Variants in SLC9A9 observed in about 807,000 individuals in gnomAD.
The protein encoded by SLC9A9 is solute carrier family 9 member A9.
In SLC9A9, 62 loss-of-function variants were observed where a neutral mutation model predicts 77.8. The observed-to-expected ratio is 0.80, with a 90% CI of 0.65 to 0.98. The LOEUF (loss-of-function observed/expected upper bound fraction) is 0.98. Among genes scored for constraint, SLC9A9 ranks in the 50% least tolerant of loss-of-function variants. The pLI, the probability that SLC9A9 is intolerant of heterozygous loss-of-function variation, is 0.00. For missense variants in SLC9A9, 775 were observed against 774.9 expected (o/e 1.00, Z 0.00); for synonymous variants, 320 against 283.5 (o/e 1.13, Z -1.29).
chr3:143,796,816 A>C lies in SLC9A9; in HGVS notation c.456+10T>G, dbSNP rs1287282882. The C allele has an allele frequency of 6.3e-7, 1 of 1,577,918 alleles. No individual in the cohort carries two copies. The highest frequency in any genetic ancestry group is 8.7e-7 in the Non-Finnish European group (1 of 1,149,820). On this transcript the variant is annotated intron_variant, in intron 3 of 15. Coordinates refer to ENST00000316549, the MANE Select transcript of SLC9A9 (RefSeq NM_173653.4). ...ATGATAAAAGAAGAAAATGATCACT[A>C]TATATTTACCTTCTTTAGACTATAT...
intron 6 of SLC9A9, among the ~76,000 whole-genome samples, chr3:143,628,534 G>C (rs1205354206): frequency 6.6e-6 from 1 of 152,148 alleles, no homozygotes; most frequent in Non-Finnish European, 1.5e-5. Context: ...CTAGTATTTA[G>C]AGTTGACAAT....
chr3:143,757,593 C>T (rs994932048), intron 4 of SLC9A9, among the ~76,000 whole-genome samples: 1 of 152,092 alleles, frequency 6.6e-6, no homozygotes, highest in Non-Finnish European at 1.5e-5. Context: ...CTCCCAGGTA[C>T]CAAAAACTAT....
Position 143,831,232 on chromosome 3 carries a change from G to A in SLC9A9, c.378+787C>T, listed in dbSNP as rs139562916. Among the ~76,000 whole-genome samples the A allele has an allele frequency of 2.0e-5, 3 of 152,060 alleles. No homozygotes were observed. The South Asian group carries it at 6.2e-4, about 31-fold the overall frequency. ...TGACCTGAAAAAAAATCTCAAATAA[G>A]TGATGTGAGATCCTGGTTCTTAGTA... On this transcript the variant is annotated intron_variant, in intron 2 of 15. Coordinates refer to ENST00000316549, the MANE Select transcript of SLC9A9 (RefSeq NM_173653.4).
intron 4 of SLC9A9, among the ~76,000 whole-genome samples, chr3:143,770,954 A>G (rs2007496325): frequency 6.6e-6 from 1 of 152,180 alleles, no homozygotes; most frequent in East Asian, 1.9e-4. Context: ...GCAGCAAACC[A>G]CCATGGCACA....
At chr3:143,441,841 TCCATCCATC>T (rs1559917300) in intron 12 of SLC9A9, among the ~76,000 whole-genome samples, 27 of 151,260 alleles carry the variant, frequency 1.8e-4, no homozygotes, top group East Asian at 3.9e-4. Context: ...CATTCATCCA[TCCATCCATC>T]CATCCATCCA....
At chr3:143,712,972 C>A (rs80236021) in intron 4 of SLC9A9, among the ~76,000 whole-genome samples, 1 of 152,020 alleles carries the variant, frequency 6.6e-6, no homozygotes, top group Non-Finnish European at 1.5e-5. Context: ...CTCCCAACAC[C>A]ATCCACCACC....
intron 4 of SLC9A9, among the ~76,000 whole-genome samples, chr3:143,778,053 G>T (rs77293792): frequency 1.4e-4 from 5 of 35,906 alleles, no homozygotes; most frequent in South Asian, 1.3e-3. Flanking sequence ...AAAAAAAAAA[G>T]ATGCTGAATC....
intron 14 of SLC9A9, among the ~76,000 whole-genome samples, chr3:143,304,082 T>A (rs1303236702): frequency 2.0e-5 from 3 of 152,046 alleles, no homozygotes; most frequent in Admixed American, 1.3e-4. Flanking sequence ...GCAACTAGAG[T>A]CACTTCTTAG....
intron 9 of SLC9A9, among the ~76,000 whole-genome samples, chr3:143,505,675 T>G (rs1259402458): frequency 6.6e-6 from 1 of 152,238 alleles, no homozygotes; most frequent in Non-Finnish European, 1.5e-5. Context: ...AATCTTGCTT[T>G]TTAAAAACAT....
chr3:143,364,608 T>C (rs1167107039), intron 13 of SLC9A9, among the ~76,000 whole-genome samples: 2 of 152,180 alleles, frequency 1.3e-5, no homozygotes, highest in African/African-American at 4.8e-5. Context: ...CCATCATTGG[T>C]TAATGATAAA....
chr3:143,466,711 A>G (rs1347434803), intron 12 of SLC9A9, among the ~76,000 whole-genome samples: 2 of 152,246 alleles, frequency 1.3e-5, no homozygotes, highest in African/African-American at 4.8e-5. Context: ...TGAGGACAAG[A>G]CCTGTGTCTT....
chr3:143,753,871 GA>G (rs1473111459), intron 4 of SLC9A9, among the ~76,000 whole-genome samples: 1 of 152,024 alleles, frequency 6.6e-6, no homozygotes, highest in African/African-American at 2.4e-5. Flanking sequence ...AGGGGATAAA[GA>G]AAAAAACATT....
chr3:143,462,441 A>G (rs986604862), intron 12 of SLC9A9, among the ~76,000 whole-genome samples: 20 of 152,230 alleles, frequency 1.3e-4, no homozygotes, highest in Non-Finnish European at 2.6e-4. Context: ...ACGTAAGTCA[A>G]TGTATGCTAA....
intron 8 of SLC9A9, among the ~76,000 whole-genome samples, chr3:143,561,168 T>G (rs904339908): frequency 2.0e-5 from 3 of 151,844 alleles, no homozygotes; most frequent in Non-Finnish European, 4.4e-5. Flanking sequence ...GCAATAAGAG[T>G]GAAACTCCAT....
At chr3:143,313,652 A>G (rs2031099818) in intron 14 of SLC9A9, among the ~76,000 whole-genome samples, 1 of 152,196 alleles carries the variant, frequency 6.6e-6, no homozygotes. Flanking sequence ...TAGAAATACC[A>G]TGTCCCGAGA....
chr3:143,714,484 T>C (rs1934281066), intron 4 of SLC9A9, among the ~76,000 whole-genome samples: 2 of 152,236 alleles, frequency 1.3e-5, no homozygotes, highest in South Asian at 4.1e-4. Context: ...ATATCTCTTC[T>C]GGATATTTCT....
intron 4 of SLC9A9, among the ~76,000 whole-genome samples, chr3:143,704,901 A>T (rs139198170): frequency 8.5e-5 from 13 of 152,188 alleles, no homozygotes; most frequent in African/African-American, 4.8e-5. Context: ...CTGAGGGAGG[A>T]GAATTGCTTG....
intron 9 of SLC9A9, among the ~76,000 whole-genome samples, chr3:143,537,832 T>A (rs2036618320): frequency 6.6e-6 from 1 of 152,182 alleles, no homozygotes; most frequent in African/African-American, 2.4e-5. Context: ...GCCAGCTTCA[T>A]TCTCACAGTG....
intron 13 of SLC9A9, among the ~76,000 whole-genome samples, chr3:143,364,850 C>T (rs1312415154): frequency 2.0e-5 from 3 of 152,144 alleles, no homozygotes; most frequent in Non-Finnish European, 4.4e-5. Flanking sequence ...TTTTTCAAGT[C>T]TTGCATTTTT....
Sources: gnomAD v4.1 joint callset for allele counts (sites outside exome capture counted in the v4.1 genomes callset) on GRCh38, gnomAD v4.1.1 for gene constraint, MANE v1.5 for transcripts, NCBI Gene and HGNC (gene_info 2026-07-23, HGNC 2026-07-21) for gene names.